ELP4: variants seen among roughly 807,000 people sequenced by gnomAD.
The protein encoded by ELP4 is elongator complex protein 4.
Under a neutral mutation model 48.9 loss-of-function variants are expected in ELP4, and 51 were observed. The ratio of observed to expected loss-of-function variants is 1.04; its 90% CI spans 0.83 to 1.32. ELP4 has a LOEUF of 1.32. Ranked by LOEUF, ELP4 falls within the 40% of genes most tolerant of loss-of-function variation. The pLI, the probability that ELP4 is intolerant of heterozygous loss-of-function variation, is 0.00. For missense variants in ELP4, 519 were observed against 514.6 expected, an observed-to-expected ratio of 1.01 and a Z score of -0.08; for synonymous variants, 210 against 189.2, an observed-to-expected ratio of 1.11 and a Z score of -0.90.
intron 9 of ELP4, among the ~76,000 whole-genome samples, chr11:31,733,545 GT>G (rs1470570472): frequency 2.0e-5 from 3 of 150,460 alleles, no homozygotes; most frequent in Non-Finnish European, 4.4e-5. Flanking sequence ...CTCTACAGAA[GT>G]AAAAAGGATT....
intron 3 of ELP4, among the ~76,000 whole-genome samples, chr11:31,548,274 A>G (rs1956772637): frequency 6.6e-6 from 1 of 152,244 alleles, no homozygotes; most frequent in Non-Finnish European, 1.5e-5. Context: ...GCGGATAAGC[A>G]ACTTCAGCAA....
chr11:31,544,806 T>A (rs911423024), intron 3 of ELP4, among the ~76,000 whole-genome samples: 4 of 152,084 alleles, frequency 2.6e-5, no homozygotes, highest in Non-Finnish European at 4.4e-5. Context: ...GAGACAAAAC[T>A]TCCAGAGGAA....
intron 7 of ELP4, chr11:31,632,607 T>C (rs992534061): frequency 9.4e-6 from 4 of 426,224 alleles, no homozygotes; most frequent in African/African-American, 6.1e-5. Flanking sequence ...TTCCTTGATA[T>C]TTTAGCTACA....
intron 4 of ELP4, among the ~76,000 whole-genome samples, chr11:31,595,392 C>T (rs903267552): frequency 2.6e-5 from 4 of 152,154 alleles, no homozygotes; most frequent in Non-Finnish European, 4.4e-5. Flanking sequence ...AACTCATGAA[C>T]TCTATTCCTG....
chr11:31,748,074 T>G (rs1340544800), intron 9 of ELP4, among the ~76,000 whole-genome samples: 2 of 152,222 alleles, frequency 1.3e-5, no homozygotes, highest in African/African-American at 4.8e-5. Flanking sequence ...GATTACAGTT[T>G]CTTTTAGAGA....
intron 9 of ELP4, among the ~76,000 whole-genome samples, chr11:31,738,495 G>C (rs1947371981): frequency 6.6e-6 from 1 of 151,984 alleles, no homozygotes; most frequent in African/African-American, 2.4e-5. Context: ...GCACACTGCG[G>C]GGGGCTAAGG....
intron 9 of ELP4, among the ~76,000 whole-genome samples, chr11:31,700,870 A>T (rs774052373): frequency 2.0e-5 from 3 of 151,736 alleles, no homozygotes; most frequent in Non-Finnish European, 4.4e-5. Context: ...ATACTAGAAA[A>T]CCTTTTTCTT....
At chr11:31,712,142 T>G (rs1012489187) in intron 9 of ELP4, among the ~76,000 whole-genome samples, 3 of 151,982 alleles carry the variant, frequency 2.0e-5, no homozygotes, top group East Asian at 3.9e-4. Context: ...CATTACAAAT[T>G]AGAATGCATT....
At chr11:31,519,382 CT>C (rs1429514670) in intron 1 of ELP4, among the ~76,000 whole-genome samples, 2 of 152,174 alleles carry the variant, frequency 1.3e-5, no homozygotes, top group Non-Finnish European at 2.9e-5. Context: ...AGTTAAGTTA[CT>C]GTACACATTT....
intron 2 of ELP4, among the ~76,000 whole-genome samples, chr11:31,530,955 C>A (rs1313949373): frequency 6.6e-6 from 1 of 152,166 alleles, no homozygotes; most frequent in Non-Finnish European, 1.5e-5. Flanking sequence ...ACCAAAATTA[C>A]ATTTGCTTTT....
chr11:31,582,617 T>C (rs1353248484), intron 3 of ELP4, among the ~76,000 whole-genome samples: 1 of 152,214 alleles, frequency 6.6e-6, no homozygotes, highest in Non-Finnish European at 1.5e-5. Flanking sequence ...TAGATGCTTT[T>C]CTCAAATACC....
chr11:31,688,872 G>A (rs1281108380), intron 9 of ELP4, among the ~76,000 whole-genome samples: 3 of 151,948 alleles, frequency 2.0e-5, no homozygotes, highest in Non-Finnish European at 4.4e-5. Flanking sequence ...ATTTGAGGGG[G>A]GAAAATCAGG....
intron 9 of ELP4, among the ~76,000 whole-genome samples, chr11:31,748,247 T>TC (rs1427653333): frequency 1.3e-5 from 2 of 150,936 alleles, no homozygotes; most frequent in Admixed American, 6.6e-5. Flanking sequence ...CAAGATCTTT[T>TC]TTTTTTTTTT....
intron 9 of ELP4, among the ~76,000 whole-genome samples, chr11:31,736,549 A>T: frequency 6.6e-6 from 1 of 152,172 alleles, no homozygotes; most frequent in Non-Finnish European, 1.5e-5. Context: ...AACCTACAGA[A>T]TGGGAGAAAA....
intron 9 of ELP4, among the ~76,000 whole-genome samples, chr11:31,746,340 C>T (rs563494474): frequency 6.6e-6 from 1 of 152,084 alleles, no homozygotes; most frequent in Non-Finnish European, 1.5e-5. Context: ...TGATTCCTCA[C>T]GGATCTAGAA....
chr11:31,574,690 C>T (rs184600125), intron 3 of ELP4, among the ~76,000 whole-genome samples: 6 of 152,164 alleles, frequency 3.9e-5, no homozygotes, highest in Non-Finnish European at 5.9e-5. Context: ...AGTGGACCTC[C>T]GGCAAACTCC....
At chr11:31,647,590 TCAGCCTATA>T in intron 7 of ELP4, 142 bp from the exon 8 acceptor site, 1 of 528,924 alleles carries the variant, frequency 1.9e-6, no homozygotes, top group Non-Finnish European at 3.4e-6. Context: ...CATCCAGTTT[TCAGCCTATA>T]GTAGCTTTAA....
rs548342141 is a variant in ELP4, at chr11:31,650,792, C to T, written c.1143+571C>T. The T allele has an allele frequency of 7.5e-4, 114 of 151,738 alleles. 1 individual carries two copies. The highest frequency in any genetic ancestry group is 2.6e-3 in the African/African-American group (108 of 41,446). The allele number at this position is 151,738 out of a possible 1,614,324, so 9.4% of individuals were successfully genotyped here. A position where few individuals can be genotyped will look rare whatever the true frequency, so the allele number is the denominator to read the frequency against. ...GACAAAATATTTATTTCAACTTAAT[C>T]TTCCTAAAGAGCAAATGAACAGAGA... On this transcript the variant is annotated intron_variant, in intron 9 of 9. Coordinates refer to ENST00000640961, the MANE Select transcript of ELP4 (RefSeq NM_019040.5).
At chr11:31,576,923 G>A (rs1354914068) in intron 3 of ELP4, among the ~76,000 whole-genome samples, 9 of 152,032 alleles carry the variant, frequency 5.9e-5, no homozygotes. Flanking sequence ...CTAGCAGAAG[G>A]TAAGAGATAA....
Sources: allele counts gnomAD v4.1 joint callset (sites outside exome capture counted in the v4.1 genomes callset), GRCh38; gene constraint gnomAD v4.1.1; transcripts MANE v1.5; gene names NCBI Gene and HGNC (gene_info 2026-07-23, HGNC 2026-07-21).